Variants in ZNF536 observed in about 807,000 individuals in gnomAD.
ZNF536 encodes zinc finger protein 536.
ZNF536 carries 13 observed loss-of-function variants against 84.5 expected under a neutral mutation model. The observed-to-expected ratio is 0.15, with a 90% CI of 0.10 to 0.24. The LOEUF is 0.24. ZNF536 is among the 10% of genes least tolerant of loss of function. The pLI is 1.00. For missense variants in ZNF536, 1,536 were observed against 1,747.5 expected, an observed-to-expected ratio of 0.88 and a Z score of 2.16; for synonymous variants, 811 against 742.5, an observed-to-expected ratio of 1.09 and a Z score of -1.50.
At chr19:30,493,549 A>G (rs1398757412) in intron 2 of ZNF536, among the ~76,000 whole-genome samples, 1 of 152,224 alleles carries the variant, frequency 6.6e-6, no homozygotes. Flanking sequence ...AAACAAATCC[A>G]TAATTTGGAA....
intron 2 of ZNF536, among the ~76,000 whole-genome samples, chr19:30,303,267 G>A (rs1464433837): frequency 1.3e-5 from 2 of 152,170 alleles, no homozygotes; most frequent in African/African-American, 2.4e-5. Context: ...TGGAGGGCAG[G>A]CGCCTTCCTT....
chr19:30,300,365 C>G (rs968873017), intron 2 of ZNF536: 2 of 152,172 alleles, frequency 1.3e-5, no homozygotes, highest in African/African-American at 4.8e-5. Flanking sequence ...TCTCCAGGAG[C>G]CTTCCTGTCC....
At chr19:30,375,997 A>G (rs1173472455) in intron 1 of ZNF536, among the ~76,000 whole-genome samples, 1 of 152,080 alleles carries the variant, frequency 6.6e-6, no homozygotes, top group Admixed American at 6.5e-5. Context: ...AGCCATGTGT[A>G]TATCTGCATG....
intron 1 of ZNF536, among the ~76,000 whole-genome samples, chr19:30,661,948 T>C (rs10084157): frequency 0.3 from 44,900 of 151,716 alleles, 8,677 homozygotes; most frequent in African/African-American, 0.55. Flanking sequence ...GATCATTCTT[T>C]GTTCTTTGTG....
Position 30,548,939 on chromosome 19 carries a change from T to A in ZNF536, c.3320T>A (p.Phe1107Tyr). 1 of 1,614,098 alleles carries A rather than the reference T, an allele frequency of 6.2e-7. No individual in the cohort carries two copies. The highest frequency in any genetic ancestry group is 8.5e-7 in the Non-Finnish European group (1 of 1,180,022). ...TGHVDPAFCN[F>Y]PSDFYKQFGV... ...CACGTGGACCCTGCATTTTGTAACT[T>A]CCCATCAGACTTCTACAAGCAGTTT... Residue 1107 changes from phenylalanine to tyrosine, a missense_variant, in exon 4 of 5, where the codon TTC becomes TAC. By Grantham distance (22) the Phe-to-Tyr change is conservative (BLOSUM62 3). This residue lies in a region of ZNF536 where 624 missense variants were observed against 603.1 expected (regional missense o/e 1.03). Transcript: ENST00000355537.
At chr19:30,383,645 CCTTTCTTTCTCTCTTTCTCTTTCTTT>C (rs1568376173) in intron 1 of ZNF536, among the ~76,000 whole-genome samples, 19 of 20,748 alleles carry the variant, frequency 9.2e-4, no homozygotes, top group African/African-American at 3.0e-3. Context: ...TTTCTTCCTT[CCTTTCTTTCTCTCTTTCTCTTTCTTT>C]CTTCCTTTCT....
At chr19:30,447,567 C>T (rs561973550) in intron 2 of ZNF536, among the ~76,000 whole-genome samples, 4 of 152,242 alleles carry the variant, frequency 2.6e-5, no homozygotes, top group South Asian at 4.1e-4. Flanking sequence ...GCCAAGGAGG[C>T]GTGAGGTCAC....
chr19:30,470,475 T>G (rs921294530), intron 2 of ZNF536, among the ~76,000 whole-genome samples: 7 of 151,928 alleles, frequency 4.6e-5, no homozygotes, highest in Non-Finnish European at 7.4e-5. Flanking sequence ...ATTTAGTTTT[T>G]TTTTTTTTTT....
chr19:30,506,822 G>T (rs1415430347), intron 2 of ZNF536, among the ~76,000 whole-genome samples: 1 of 152,160 alleles, frequency 6.6e-6, no homozygotes, highest in Non-Finnish European at 1.5e-5. Flanking sequence ...AAACTAATGT[G>T]TGATCATTGC....
At chr19:30,419,691 A>G (rs1046986974) in intron 1 of ZNF536, among the ~76,000 whole-genome samples, 1 of 152,244 alleles carries the variant, frequency 6.6e-6, no homozygotes, top group Non-Finnish European at 1.5e-5. Flanking sequence ...ATGGGCCAGC[A>G]GTGTGAGGAG....
At chr19:30,547,868 T>A (rs1294623582) in intron 3 of ZNF536, 75 bp from the exon 4 acceptor site, 1 of 1,477,674 alleles carries the variant, frequency 6.8e-7, no homozygotes, top group Non-Finnish European at 9.0e-7. Context: ...GAACAAATGT[T>A]GATCCTTCCA....
At chr19:30,403,395 G>A (rs1357968649) in intron 1 of ZNF536, among the ~76,000 whole-genome samples, 1 of 152,188 alleles carries the variant, frequency 6.6e-6, no homozygotes, top group African/African-American at 2.4e-5. Flanking sequence ...GAGAGCCAAA[G>A]GTCAAAGGCT....
chr19:30,672,041 G>A (rs147379998), intron 1 of ZNF536, among the ~76,000 whole-genome samples: 240 of 152,346 alleles, frequency 1.6e-3, no homozygotes, highest in African/African-American at 5.6e-3. Context: ...CACTGGGGCC[G>A]TCCAGGCCTT....
chr19:30,631,211 G>T (rs1037127357), intron 1 of ZNF536, among the ~76,000 whole-genome samples: 2 of 152,202 alleles, frequency 1.3e-5, no homozygotes, highest in African/African-American at 4.8e-5. Flanking sequence ...TGGTGATCAG[G>T]TGCAAGCCCC....
intron 1 of ZNF536, among the ~76,000 whole-genome samples, chr19:30,412,942 A>G (rs376999780): frequency 1.3e-5 from 2 of 151,954 alleles, no homozygotes; most frequent in African/African-American, 4.8e-5. Context: ...GTTACTTCTC[A>G]TTGTCATATC....
intron 2 of ZNF536, among the ~76,000 whole-genome samples, chr19:30,472,994 C>T (rs1357283630): frequency 6.7e-6 from 1 of 149,956 alleles, no homozygotes; most frequent in African/African-American, 2.5e-5. Flanking sequence ...GAGTTCGAGA[C>T]CAGCCTGGCC....
At chr19:30,627,230 C>T (rs985751797) in intron 1 of ZNF536, among the ~76,000 whole-genome samples, 13 of 151,876 alleles carry the variant, frequency 8.6e-5, no homozygotes, top group Non-Finnish European at 2.9e-5. Flanking sequence ...CTTTGGTAGG[C>T]CAAGGCGAGA....
At chr19:30,233,553 G>A (rs938217846) in intron 1 of ZNF536, among the ~76,000 whole-genome samples, 1 of 151,092 alleles carries the variant, frequency 6.6e-6, no homozygotes, top group Non-Finnish European at 1.5e-5. Flanking sequence ...TTGCTATGTT[G>A]CCCAGGCTGG....
chr19:30,536,653 G>T (rs1355810350), intron 3 of ZNF536, among the ~76,000 whole-genome samples: 1 of 152,134 alleles, frequency 6.6e-6, no homozygotes, highest in Non-Finnish European at 1.5e-5. Context: ...TGTCTTCCCT[G>T]CATTGTTCAA....
Sources: gnomAD v4.1 joint callset for allele counts (sites outside exome capture counted in the v4.1 genomes callset) on GRCh38, gnomAD v4.1.1 for gene constraint, gnomAD v4.1.1 regional missense constraint, MANE v1.5 for transcripts, NCBI Gene and HGNC (gene_info 2026-07-23, HGNC 2026-07-21) for gene names.